The following USP53 variants were observed in gnomAD, a reference collection of about 807,000 sequenced individuals.
USP53 encodes ubiquitin carboxyl-terminal hydrolase 53.
A neutral mutation model predicts 94.9 loss-of-function variants in USP53; 71 were observed. The ratio of observed to expected loss-of-function variants is 0.75; its 90% CI spans 0.62 to 0.91. USP53 has a LOEUF of 0.91. Among genes scored for constraint, USP53 ranks in the 40% least tolerant of loss-of-function variants. USP53 has a pLI of 0.00. For missense variants in USP53, 1,173 were observed against 1,281.0 expected (o/e 0.92, Z 1.29); for synonymous variants, 375 against 422.7 (o/e 0.89, Z 1.39).
In USP53 at chr4:119,245,322, C is replaced by T. The variant is rs1236891854; in HGVS notation, c.145-15C>T. 6.2e-7 allele frequency: 1 copy of T among 1,610,314 alleles called. No individual in the cohort carries two copies. Among genetic ancestry groups the T allele is most frequent in the African/African-American group, 1.3e-5 (1 of 74,892 alleles). ...TTGTTTATTTCTTTTTCCTTAACAT[C>T]TCCCTGTTTTTTAGGTTTTATGGCA... On this transcript the variant is annotated splice_polypyrimidine_tract_variant and intron_variant, in intron 5 of 18. Transcript: ENST00000692078.
In USP53 at chr4:119,271,669, A is replaced by G; in HGVS notation, c.1809A>G (p.Arg603=). 6.2e-7 allele frequency: 1 copy of G among 1,614,068 alleles called. No individual in the cohort carries two copies. The highest frequency in any genetic ancestry group is 8.5e-7 in the Non-Finnish European group (1 of 1,180,034). Residue 603 remains arginine, a synonymous_variant, in exon 16 of 19, where the codon AGA becomes AGG. Coordinates refer to ENST00000692078, the MANE Select transcript of USP53 (RefSeq NM_001371395.1). The stretch of plus-strand genomic sequence containing the variant: ...GTATTTTTAGTGAAAGTGAAAAAAG[A>G]CAGCATAGTCCAAGACATAAACCAA... The part of the protein sequence containing the change: ...VDSIFSESEK[R]QHSPRHKPNI...
rs1429790658 is a variant in USP53 at position 119,292,774 on chromosome 4, T to G, written c.2785T>G (p.Tyr929Asp). 1 of 1,613,912 alleles carries G rather than the reference T, an allele frequency of 6.2e-7. No individual in the cohort carries two copies. Among genetic ancestry groups the G allele is most frequent in the African/African-American group, 1.3e-5 (1 of 74,876 alleles). Residue 929 changes from tyrosine to aspartate, a missense_variant, in exon 19 of 19, where the codon TAT (tyrosine) becomes GAT (aspartate). Physicochemically the swap from Tyr to Asp is radical, Grantham distance 160. Transcript: ENST00000692078. Reference sequence around the variant, plus strand: ...ACCACCCCCTTTGCCACCAAAGAAATATGCTATAACCAGTGTGCCACAGTC... The same window carrying G: ...ACCACCCCCTTTGCCACCAAAGAAAGATGCTATAACCAGTGTGCCACAGTC... Reference protein sequence around the residue: ...NLPPPLPPKKYAITSVPQSEK... With the variant: ...NLPPPLPPKKDAITSVPQSEK...
intron 13 of USP53, 127 bp from the exon 14 acceptor site, chr4:119,268,141 T>C: frequency 2.1e-6 from 2 of 950,082 alleles, no homozygotes; most frequent in Non-Finnish European, 2.9e-6. Context: ...CAGTCCGCAG[T>C]CCGGCCTGGG....
intron 3 of USP53, among the ~76,000 whole-genome samples, chr4:119,224,320 A>G (rs1744964016): frequency 6.6e-6 from 1 of 152,178 alleles, no homozygotes; most frequent in African/African-American, 2.4e-5. Context: ...AACAGAACCG[A>G]TGTATAAATG....
intron 3 of USP53, among the ~76,000 whole-genome samples, chr4:119,227,613 A>G (rs1160698058): frequency 6.6e-6 from 1 of 152,260 alleles, no homozygotes; most frequent in Non-Finnish European, 1.5e-5. Flanking sequence ...CTTGGGAGAC[A>G]GAGCGAGACT....
chr4:119,271,363 A>G lies in USP53; in HGVS notation c.1503A>G (p.Gln501=), dbSNP rs1244010666. Residue 501 remains glutamine (Q), a synonymous_variant, in exon 16 of 19, where the codon CAA becomes CAG. Coordinates refer to ENST00000692078, the MANE Select transcript of USP53 (RefSeq NM_001371395.1). The stretch of plus-strand genomic sequence containing the variant: ...CTCCTGCCCCAAATGGTTTTAAACA[A>G]CATGGGAATCCACATCTATATCATA... ...GSPPAPNGFK[Q]HGNPHLYHSQ... The G allele has an allele frequency of 1.9e-6, 3 of 1,610,792 alleles. No individual in the cohort carries two copies. The highest frequency in any genetic ancestry group is 2.7e-5 in the African/African-American group (2 of 74,858).
intron 3 of USP53, among the ~76,000 whole-genome samples, chr4:119,228,472 A>C (rs1001771703): frequency 1.3e-5 from 2 of 152,186 alleles, no homozygotes; most frequent in Non-Finnish European, 2.9e-5. Flanking sequence ...TTTTTAGGTC[A>C]ACTGCGCCAT....
At chr4:119,264,091 G>A (rs949448017) in intron 12 of USP53, among the ~76,000 whole-genome samples, 1 of 152,026 alleles carries the variant, frequency 6.6e-6, no homozygotes. Context: ...AAAGCTTAAA[G>A]TCTTGAAAGT....
At position 119,271,894 on chromosome 4, in the gene USP53, T is replaced by C. The variant is rs756156649; in HGVS notation, c.2034T>C (p.Asn678=). 3.7e-5 allele frequency: 60 copies of C among 1,613,986 alleles called. No homozygotes were observed. Among genetic ancestry groups the C allele is most frequent in the South Asian group, 1.2e-4 (11 of 91,090 alleles). The change falls in exon 16 of 19, where the codon AAT becomes AAC. Residue 678 remains asparagine, a synonymous_variant. Transcript: ENST00000692078. ...GLVEGKVHGD[N]WQMQRTESGY... ...TAGAGGGTAAAGTGCATGGTGATAA[T>C]TGGCAGATGCAAAGGACTGAGTCTG...
At chr4:119,263,849 ATCACGAGG>A (rs1243250856) in intron 12 of USP53, among the ~76,000 whole-genome samples, 1 of 152,132 alleles carries the variant, frequency 6.6e-6, no homozygotes, top group African/African-American at 2.4e-5. Flanking sequence ...AAGTGGGCAG[ATCACGAGG>A]TCAAGAGATC....
intron 3 of USP53, among the ~76,000 whole-genome samples, chr4:119,225,232 A>G (rs1482793035): frequency 6.6e-6 from 1 of 152,178 alleles, no homozygotes; most frequent in Non-Finnish European, 1.5e-5. Context: ...ACAAACTATG[A>G]AAGCTCACTC....
chr4:119,250,874 T>C (rs1748885784), intron 7 of USP53, among the ~76,000 whole-genome samples: 1 of 151,166 alleles, frequency 6.6e-6, no homozygotes, highest in South Asian at 2.1e-4. Flanking sequence ...TTTGCTGTTA[T>C]TTATACAGAC....
At chr4:119,249,956 G>T (rs538130759) in intron 7 of USP53, among the ~76,000 whole-genome samples, 1 of 152,074 alleles carries the variant, frequency 6.6e-6, no homozygotes, top group Non-Finnish European at 1.5e-5. Context: ...GAGCCACTGC[G>T]ACTGGCCTTA....
rs961874740 is a variant in USP53, at chr4:119,248,856, C to G, written c.346C>G (p.Leu116Val). The G allele has an allele frequency of 7.4e-6, 12 of 1,614,078 alleles. No individual in the cohort carries two copies. In the East Asian group the frequency reaches 2.7e-4, roughly 36 times the overall value. ...AGATGAGCAGCGATTTCAACTTGGC[C>G]TTATGGATGATGCTGCGGAGTGCTT... ...FKDEQRFQLG[L>V]MDDAAECFEN... The change falls in exon 7 of 19, where the codon CTT becomes GTT. Residue 116 changes from leucine (L) to valine (V), a missense_variant. Transcript: ENST00000692078.
At chr4:119,273,415 C>G (rs1015274875) in intron 16 of USP53, 2 of 396,366 alleles carry the variant, frequency 5.0e-6, no homozygotes, top group Non-Finnish European at 9.3e-6. Flanking sequence ...ACCAGATAGA[C>G]TTAGATTTTA....
In USP53 at chr4:119,261,846, T is replaced by G. The variant is rs758381136; in HGVS notation, c.954T>G (p.Asp318Glu). ...AAAGTTCCAAATGGGTATTTTTTGA[T>G]GATGCAAATGTGAAAGAGGTAAGTG... ...HTKSSKWVFF[D>E]DANVKEIGTR... Residue 318 changes from aspartate to glutamate, a missense_variant, in exon 12 of 19, where the codon GAT becomes GAG. By Grantham distance (45) the Asp-to-Glu change is conservative. Transcript: ENST00000692078. The G allele has an allele frequency of 6.8e-7, 1 of 1,477,118 alleles. No homozygotes were observed. Among genetic ancestry groups the G allele is most frequent in the Non-Finnish European group, 9.1e-7 (1 of 1,095,624 alleles). The allele number at this position is 1,477,118 out of a possible 1,614,324, so 91.5% of individuals were successfully genotyped here.
rs1750369799 is a variant in USP53 at position 119,260,562 on chromosome 4, T to C, written c.731T>C (p.Ile244Thr). 1 of 1,614,008 alleles carries C rather than the reference T, an allele frequency of 6.2e-7. No individual in the cohort carries two copies. Among genetic ancestry groups the C allele is most frequent in the East Asian group, 2.2e-5 (1 of 44,856 alleles). ...IRRVLMNCPE[I>T]VTIGLVWDSE... The stretch of plus-strand genomic sequence containing the variant: ...CGTGTTTTAATGAATTGCCCAGAGA[T>C]TGTTACAATTGGTTTAGTCTGGGAC... Residue 244 changes from isoleucine (I) to threonine (T), a missense_variant, in exon 11 of 19, where the codon ATT becomes ACT. By Grantham distance (89) the Ile-to-Thr change is moderately conservative. Transcript: ENST00000692078.
Position 119,291,152 on chromosome 4 carries a change from C to CCCCCA in USP53, c.2252-13_2252-12insCCCCA. The CCCCCA allele has an allele frequency of 9.8e-7, 1 of 1,017,240 alleles. No individual in the cohort carries two copies. The highest frequency in any genetic ancestry group is 2.7e-5 in the East Asian group (1 of 36,588). 63.0% of individuals were successfully genotyped at this position (1,017,240 alleles called of 1,614,324 possible). On this transcript the variant is annotated splice_polypyrimidine_tract_variant and intron_variant, in intron 17 of 18. Coordinates refer to ENST00000692078, the MANE Select transcript of USP53 (RefSeq NM_001371395.1). The stretch of plus-strand genomic sequence containing the variant: ...TTTTCCTCATCTCTTCTCCCCACCC[C>CCCCCA]ACCCAACCCTAGGCTTTAGAAAAGA...
At chr4:119,266,289 G>A (rs1376254858) in intron 12 of USP53, 8 of 455,604 alleles carry the variant, frequency 1.8e-5, no homozygotes, top group Admixed American at 4.7e-5. Context: ...ATTTTTTTCC[G>A]TTGCTGTTAG....
Sources: gnomAD v4.1 joint callset for allele counts (sites outside exome capture counted in the v4.1 genomes callset) on GRCh38, gnomAD v4.1.1 for gene constraint, MANE v1.5 for transcripts, NCBI Gene and HGNC (gene_info 2026-07-23, HGNC 2026-07-21) for gene names.